Variants in DYNLRB1 observed in about 807,000 individuals in gnomAD.
DYNLRB1 encodes the protein ROBL/LC7-like 1.
In DYNLRB1, 6 loss-of-function variants were observed where a neutral mutation model predicts 13.5. That is an observed-to-expected ratio of 0.44 (90% CI 0.24 to 0.88). DYNLRB1 has a LOEUF of 0.88. Among genes scored for constraint, DYNLRB1 ranks in the 40% least tolerant of loss-of-function variants. DYNLRB1 has a pLI of 0.21. For missense variants in DYNLRB1, 93 were observed against 127.2 expected, an observed-to-expected ratio of 0.73 and a Z score of 1.29; for synonymous variants, 43 against 45.0, an observed-to-expected ratio of 0.96 and a Z score of 0.18.
At chr20:34,535,353 C>T (rs1370952315) in intron 3 of DYNLRB1, 10 of 985,278 alleles carry the variant, frequency 1.0e-5, no homozygotes, top group Middle Eastern at 5.2e-4. Context: ...CTTTTCCTGC[C>T]GCACGGGAGC....
At chr20:34,535,042 G>T in intron 3 of DYNLRB1, 1 of 1,335,670 alleles carries the variant, frequency 7.5e-7, no homozygotes, top group Non-Finnish European at 9.6e-7. Context: ...AGCATCATGT[G>T]TGTCTCCCCT....
At chr20:34,523,286 T>C (rs1979911069) in intron 1 of DYNLRB1, among the ~76,000 whole-genome samples, 1 of 152,146 alleles carries the variant, frequency 6.6e-6, no homozygotes, top group Admixed American at 6.5e-5. Flanking sequence ...CCCCCTGCTG[T>C]CCCTTCTCCC....
At chr20:34,537,391 C>CA (rs529097947) in intron 3 of DYNLRB1, among the ~76,000 whole-genome samples, 3 of 152,126 alleles carry the variant, frequency 2.0e-5, no homozygotes, top group Non-Finnish European at 4.4e-5. Context: ...TCTATGAGGG[C>CA]AGGGGCTTGT....
At chr20:34,535,539 C>A in intron 3 of DYNLRB1, 1 of 795,916 alleles carries the variant, frequency 1.3e-6, no homozygotes, top group Non-Finnish European at 1.5e-6. Context: ...ATCTCCTGCC[C>A]GGCTCCCTCG....
chr20:34,539,264 G>T (rs1019924891), intron 3 of DYNLRB1, among the ~76,000 whole-genome samples: 1 of 152,168 alleles, frequency 6.6e-6, no homozygotes, highest in African/African-American at 2.4e-5. Context: ...TGATTTAATG[G>T]TGGACATTCC....
intron 1 of DYNLRB1, among the ~76,000 whole-genome samples, chr20:34,525,463 G>A (rs1342968400): frequency 1.3e-5 from 2 of 152,202 alleles, no homozygotes; most frequent in Non-Finnish European, 2.9e-5. Flanking sequence ...GTCACACGTA[G>A]GCAGACTCCA....
At chr20:34,535,539 C>T (rs1981073546) in intron 3 of DYNLRB1, 6 of 795,798 alleles carry the variant, frequency 7.5e-6, no homozygotes, top group Admixed American at 6.3e-5. Context: ...ATCTCCTGCC[C>T]GGCTCCCTCG....
At chr20:34,534,998 G>T in intron 3 of DYNLRB1, 1 of 1,421,654 alleles carries the variant, frequency 7.0e-7, no homozygotes, top group Non-Finnish European at 9.2e-7. Flanking sequence ...GCCCCAGAGG[G>T]TAACCCCAGT....
At chr20:34,535,538 C>A (rs1981073258) in intron 3 of DYNLRB1, 1 of 795,260 alleles carries the variant, frequency 1.3e-6, no homozygotes, top group Non-Finnish European at 1.5e-6. Context: ...CATCTCCTGC[C>A]CGGCTCCCTC....
At chr20:34,522,296 A>G (rs2146618913) in intron 1 of DYNLRB1, among the ~76,000 whole-genome samples, 1 of 152,246 alleles carries the variant, frequency 6.6e-6, no homozygotes, top group African/African-American at 2.4e-5. Context: ...ACTAACATGG[A>G]GATCATACTA....
At chr20:34,517,627 CTTTTTTT>C (rs60155819) in intron 1 of DYNLRB1, among the ~76,000 whole-genome samples, 3 of 120,408 alleles carry the variant, frequency 2.5e-5, no homozygotes, top group Admixed American at 9.1e-5. Flanking sequence ...TTCATTATTT[CTTTTTTT>C]TTTTTTTTTT....
At chr20:34,537,522 G>A (rs143772428) in intron 3 of DYNLRB1, among the ~76,000 whole-genome samples, 14 of 152,302 alleles carry the variant, frequency 9.2e-5, no homozygotes, top group Non-Finnish European at 1.3e-4. Context: ...CAGTGGGGAC[G>A]GGGTCAGGGA....
upstream of DYNLRB1, chr20:34,516,302 T>G (rs1405521272): frequency 8.1e-7 from 1 of 1,238,908 alleles, no homozygotes; most frequent in African/African-American, 1.5e-5. Context: ...TTTCCAAGAA[T>G]CCTGGCGGAG....
intron 1 of DYNLRB1, among the ~76,000 whole-genome samples, chr20:34,521,063 G>C (rs1161993987): frequency 6.6e-6 from 1 of 151,620 alleles, no homozygotes; most frequent in Non-Finnish European, 1.5e-5. Flanking sequence ...CTGTTGCCCA[G>C]GCTGGAGGGC....
chr20:34,530,771 A>G (rs998363360), intron 2 of DYNLRB1: 5 of 152,174 alleles, frequency 3.3e-5, no homozygotes, highest in African/African-American at 1.2e-4. Flanking sequence ...TGGGATGCCT[A>G]TGATCTTATC....
At chr20:34,522,469 CTTTTT>C (rs771811577) in intron 1 of DYNLRB1, among the ~76,000 whole-genome samples, 34 of 77,204 alleles carry the variant, frequency 4.4e-4, no homozygotes, top group African/African-American at 1.2e-3. Flanking sequence ...TTTTCTTTTT[CTTTTT>C]TTTTTTTTTT....
At chr20:34,532,425 C>T (rs1568602445) in intron 2 of DYNLRB1, among the ~76,000 whole-genome samples, 1 of 152,098 alleles carries the variant, frequency 6.6e-6, no homozygotes, top group Non-Finnish European at 1.5e-5. Flanking sequence ...TCCATAGCTG[C>T]CCAGCCTAGG....
chr20:34,528,632 T>C (rs990217764), intron 2 of DYNLRB1, among the ~76,000 whole-genome samples: 30 of 152,132 alleles, frequency 2.0e-4, no homozygotes, highest in African/African-American at 2.7e-4. Flanking sequence ...AAACCTGAAA[T>C]TTTTGCAAGC....
intron 2 of DYNLRB1, among the ~76,000 whole-genome samples, chr20:34,527,838 A>C (rs973030656): frequency 6.6e-6 from 1 of 152,118 alleles, no homozygotes; most frequent in East Asian, 1.9e-4. Flanking sequence ...ACTGCCTCAG[A>C]TCATGTTTTC....
Sources: allele counts gnomAD v4.1 joint callset (sites outside exome capture counted in the v4.1 genomes callset), GRCh38; gene constraint gnomAD v4.1.1; transcripts MANE v1.5; gene names NCBI Gene and HGNC (gene_info 2026-07-23, HGNC 2026-07-21).